The following MYOM2 variants were observed in gnomAD, a reference collection of about 807,000 sequenced individuals.
MYOM2 encodes myomesin-2.
MYOM2 carries 254 observed loss-of-function variants against 187.6 expected under a neutral mutation model. The observed-to-expected ratio is 1.35, with a 90% CI of 1.22 to 1.50. The LOEUF (loss-of-function observed/expected upper bound fraction) is 1.50. MYOM2 is among the 40% of genes most tolerant of loss of function. The pLI is 0.00. For missense variants in MYOM2, 2,796 were observed against 1,924.0 expected, an observed-to-expected ratio of 1.45 and a Z score of -8.48; for synonymous variants, 981 against 753.8, an observed-to-expected ratio of 1.30 and a Z score of -4.94.
At position 2,124,215 on chromosome 8, in the gene MYOM2, G is replaced by A; in HGVS notation, c.3692G>A (p.Cys1231Tyr). Residue 1231 changes from cysteine to tyrosine, a missense_variant and splice_region_variant, in exon 31 of 37, where the codon TGT becomes TAT. Coordinates refer to ENST00000262113, the MANE Select transcript of MYOM2 (RefSeq NM_003970.4). ...ATGATTTTGGCAATGAGTAGAGTCT[G>A]TGGTAAGTAAATGCCTTTTAATTTT... ...DDMILAMSRV[C>Y]GKSASPLKVL... The A allele has an allele frequency of 6.2e-7, 1 of 1,612,110 alleles. No homozygotes were observed. The highest frequency in any genetic ancestry group is 8.5e-7 in the Non-Finnish European group (1 of 1,178,616).
Position 2,108,826 on chromosome 8 carries a change from C to T in MYOM2, c.3039C>T (p.Asn1013=). The part of the protein sequence containing the change: ...RLMALSNEIK[N]PTIPLKSELA... ...TGGCATTGAGCAATGAAATAAAGAA[C>T]CCCAGTAAGTAAGCCTCCAGCCCTT... The change falls in exon 24 of 37, where the codon AAC becomes AAT. Residue 1013 remains asparagine (N), a synonymous_variant. Transcript: ENST00000262113. The T allele has an allele frequency of 6.2e-7, 1 of 1,613,846 alleles. No individual in the cohort carries two copies. The highest frequency in any genetic ancestry group is 8.5e-7 in the Non-Finnish European group (1 of 1,179,936).
chr8:2,075,024 G>T (rs578235263), intron 10 of MYOM2, among the ~76,000 whole-genome samples: 2 of 152,242 alleles, frequency 1.3e-5, no homozygotes, highest in Non-Finnish European at 2.9e-5. Context: ...GGTGCAGGAC[G>T]CATCCATACA....
chr8:2,105,958 G>A (rs13271681), intron 21 of MYOM2, among the ~76,000 whole-genome samples: 103,436 of 152,080 alleles, frequency 0.68, 36,182 homozygotes, highest in African/African-American at 0.83. Context: ...TCATGGCAGA[G>A]GGCACTTCTT....
intron 32 of MYOM2, among the ~76,000 whole-genome samples, chr8:2,131,489 C>G (rs968221962): frequency 6.6e-6 from 1 of 151,964 alleles, no homozygotes; most frequent in Admixed American, 6.6e-5. Context: ...ATGCATCTGA[C>G]TCATCAGTGA....
chr8:2,066,755 A>G (rs528315949), intron 6 of MYOM2, among the ~76,000 whole-genome samples: 1 of 152,312 alleles, frequency 6.6e-6, no homozygotes, highest in Admixed American at 6.5e-5. Context: ...CAGGTTGTTA[A>G]TGCTTAGCAT....
chr8:2,113,563 A>G (rs1797137567), intron 25 of MYOM2, among the ~76,000 whole-genome samples: 1 of 152,118 alleles, frequency 6.6e-6, no homozygotes, highest in South Asian at 2.1e-4. Flanking sequence ...GAGAGGTGAC[A>G]GTTGCAGCCA....
At chr8:2,087,830 A>T (rs938669569) in intron 14 of MYOM2, among the ~76,000 whole-genome samples, 1 of 152,106 alleles carries the variant, frequency 6.6e-6, no homozygotes, top group East Asian at 1.9e-4. Flanking sequence ...CATGTTGCCC[A>T]GGCTGGTCTC....
chr8:2,140,110 C>T (rs1458937072), intron 32 of MYOM2, among the ~76,000 whole-genome samples: 1 of 152,174 alleles, frequency 6.6e-6, no homozygotes, highest in Non-Finnish European at 1.5e-5. Flanking sequence ...GTTCTACTTC[C>T]TGTCTCTGTG....
chr8:2,055,154 G>C (rs68145697), intron 3 of MYOM2, among the ~76,000 whole-genome samples: 28,729 of 146,174 alleles, frequency 0.2, 3,519 homozygotes, highest in African/African-American at 0.34. Flanking sequence ...GGATACTGGG[G>C]GAACCAAGTA....
rs1159199810 is a variant in MYOM2, at chr8:2,109,466, G to A, written c.3115G>A (p.Glu1039Lys). Residue 1039 changes from glutamate (E) to lysine (K), a missense_variant, in exon 25 of 37, where the codon GAG (glutamate) becomes AAG (lysine). Coordinates refer to ENST00000262113, the MANE Select transcript of MYOM2 (RefSeq NM_003970.4). ...KGRVRFWLQAEHLSPDASYRF... is the reference protein window; with the variant it reads ...KGRVRFWLQAKHLSPDASYRF... ...GCGGGTTCGCTTCTGGCTCCAGGCT[G>A]AGCACTTATCACCAGATGCCAGCTA... 3.7e-6 allele frequency: 6 copies of A among 1,613,324 alleles called. No homozygotes were observed. Among genetic ancestry groups the A allele is most frequent in the East Asian group, 2.2e-5 (1 of 44,784 alleles).
chr8:2,092,393 ACGT>A lies in MYOM2; in HGVS notation c.1879_1881del (p.Ser627del). The A allele has an allele frequency of 6.2e-7, 1 of 1,614,066 alleles. No individual in the cohort carries two copies. Among genetic ancestry groups the A allele is most frequent in the Non-Finnish European group, 8.5e-7 (1 of 1,180,016 alleles). On this transcript the variant is annotated inframe_deletion, in exon 16 of 37. Transcript: ENST00000262113. ...GGTTCTTGCTTCCCGAAACACCAAG[ACGT>A]CGGTGGTGGTGCAGTGGGACCGACC...
chr8:2,141,430 T>C (rs752592485), intron 34 of MYOM2, among the ~76,000 whole-genome samples: 3 of 151,978 alleles, frequency 2.0e-5, no homozygotes, highest in Admixed American at 6.5e-5. Context: ...ATTGTGAGAG[T>C]TGAAGAAAGA....
chr8:2,096,353 C>A lies in MYOM2; in HGVS notation c.2232C>A (p.Gly744=), dbSNP rs1431591458. The change falls in exon 18 of 37, where the codon GGC becomes GGA. Residue 744 remains glycine, a synonymous_variant. Coordinates refer to ENST00000262113, the MANE Select transcript of MYOM2 (RefSeq NM_003970.4). The part of the protein sequence containing the change: ...PKFSGGSPIL[G]YYLDKREVHH... ...TCAGTGGTGGCTCGCCCATCCTGGGCTACTACCTGGACAAGCGTGAAGTTC... is the reference window on the plus strand; with the variant it reads ...TCAGTGGTGGCTCGCCCATCCTGGGATACTACCTGGACAAGCGTGAAGTTC... The A allele has an allele frequency of 1.2e-6, 2 of 1,614,086 alleles. No homozygotes were observed. Among genetic ancestry groups the A allele is most frequent in the Non-Finnish European group, 1.7e-6 (2 of 1,180,046 alleles).
At chr8:2,140,582 G>A (rs537152287) in intron 32 of MYOM2, 141 bp from the exon 33 acceptor site, 42 of 749,198 alleles carry the variant, frequency 5.6e-5, no homozygotes, top group Middle Eastern at 3.8e-4. Flanking sequence ...CAATACATTC[G>A]TAACAGCCAG....
At chr8:2,076,967 A>G (rs1819446508) in intron 11 of MYOM2, among the ~76,000 whole-genome samples, 1 of 152,228 alleles carries the variant, frequency 6.6e-6, no homozygotes, top group Non-Finnish European at 1.5e-5. Context: ...CAGTTCTTGG[A>G]GTAAATTATA....
intron 31 of MYOM2, among the ~76,000 whole-genome samples, chr8:2,125,518 T>C (rs965317074): frequency 6.6e-6 from 1 of 152,120 alleles, no homozygotes; most frequent in African/African-American, 2.4e-5. Flanking sequence ...AGGAGTGCGA[T>C]GCCTCCAGCT....
Position 2,124,303 on chromosome 8 carries a change from G to A in MYOM2, c.3694+86G>A, listed in dbSNP as rs762272175. ...ACGGGAAGTCACTGCTGCAAAAGAG[G>A]GCACCATGGAGCTGTGGTGCGTGTT... is the stretch of plus-strand genomic sequence containing the variant. On this transcript the variant is annotated intron_variant, in intron 31 of 36. Transcript: ENST00000262113. 3 of 1,355,500 alleles carry A rather than the reference G, an allele frequency of 2.2e-6. No homozygotes were observed. The East Asian group carries it at 7.1e-5, about 32-fold the overall frequency. 84.0% of individuals were successfully genotyped at this position (1,355,500 alleles called of 1,614,324 possible).
intron 31 of MYOM2, among the ~76,000 whole-genome samples, chr8:2,126,627 G>A (rs1263428448): frequency 6.6e-6 from 1 of 151,708 alleles, no homozygotes; most frequent in Non-Finnish European, 1.5e-5. Context: ...GGGAGCATTG[G>A]GGGAGGCTGA....
intron 6 of MYOM2, among the ~76,000 whole-genome samples, chr8:2,060,810 G>A (rs1184979492): frequency 1.4e-5 from 2 of 146,996 alleles, no homozygotes; most frequent in South Asian, 2.3e-4. Flanking sequence ...CCTGACACTC[G>A]TTAAGGACAT....
Sources: gnomAD v4.1 joint callset for allele counts (sites outside exome capture counted in the v4.1 genomes callset) on GRCh38, gnomAD v4.1.1 for gene constraint, MANE v1.5 for transcripts, NCBI Gene and HGNC (gene_info 2026-07-23, HGNC 2026-07-21) for gene names.